The following RAP1B variants were observed in gnomAD, a reference collection of about 807,000 sequenced individuals.
RAP1B encodes the protein RAP1B, member of RAS oncogene family.
RAP1B carries 1 observed loss-of-function variant against 27.5 expected under a neutral mutation model. The ratio of observed to expected loss-of-function variants is 0.04; its 90% CI spans 0.01 to 0.17. The LOEUF (loss-of-function observed/expected upper bound fraction) is 0.17. Ranked by LOEUF, RAP1B falls within the 10% of genes least tolerant of loss-of-function variation. The probability of loss-of-function intolerance (pLI) is 1.00; values close to 1 mark genes in which losing one functional copy is unlikely to be tolerated. For missense variants in RAP1B, 84 were observed against 214.8 expected (o/e 0.39, Z 3.81); for synonymous variants, 75 against 73.1 (o/e 1.03, Z -0.13).
intron 1 of RAP1B, chr12:68,642,885 T>A: frequency 1.0e-6 from 1 of 976,210 alleles, no homozygotes; most frequent in Non-Finnish European, 1.7e-6. Context: ...GAGGTGAGGG[T>A]CTCATTCCAG....
At position 68,635,673 on chromosome 12, in the gene RAP1B, T is replaced by C. The variant is rs994389578; in HGVS notation, c.-26-13026T>C. Among the ~76,000 whole-genome samples, 6 of 151,592 alleles carry C rather than the reference T, an allele frequency of 4.0e-5. No homozygotes were observed. In the East Asian group the frequency reaches 1.2e-3, roughly 30 times the overall value. ...TTTCACCATATTGGCCAGGCTGGTC[T>C]CGAACTCCTGACCTCAAGCAATCCA... On this transcript the variant is annotated intron_variant, in intron 1 of 7. Transcript: ENST00000250559.
intron 2 of RAP1B, 143 bp from the exon 3 acceptor site, chr12:68,650,257 T>G (rs1873717413): frequency 1.5e-6 from 1 of 657,874 alleles, no homozygotes; most frequent in South Asian, 3.3e-5. Context: ...TTACCAAATG[T>G]ACACATTCGA....
intron 1 of RAP1B, among the ~76,000 whole-genome samples, chr12:68,641,760 C>T (rs971437994): frequency 5.3e-5 from 8 of 150,840 alleles, no homozygotes; most frequent in Admixed American, 2.6e-4. Context: ...TTGAAAAAAT[C>T]GATGCATTCC....
rs1397047295 is a variant in RAP1B, at chr12:68,610,928, C to G, written c.-142C>G. ...TCGCCAAACCTCGCCCAGATTCAGG[C>G]GTGTAAACCAGCCGGAGCGGCGCGG... On this transcript the variant is annotated 5_prime_UTR_variant, in exon 1 of 8. Coordinates refer to ENST00000250559, the MANE Select transcript of RAP1B (RefSeq NM_001010942.3). 3.2e-6 allele frequency: 1 copy of G among 308,270 alleles called. No homozygotes were observed. Among genetic ancestry groups the G allele is most frequent in the Non-Finnish European group, 6.0e-6 (1 of 167,016 alleles). 19.1% of individuals were successfully genotyped at this position (308,270 alleles called of 1,614,324 possible). A position where few individuals can be genotyped will look rare whatever the true frequency, so the allele number is the denominator to read the frequency against.
Position 68,648,789 on chromosome 12 carries a change from ATTCTT to A in RAP1B, c.57+9_57+13del. 1.9e-6 allele frequency: 3 copies of A among 1,607,684 alleles called. No individual in the cohort carries two copies. Among genetic ancestry groups the A allele is most frequent in the Non-Finnish European group, 2.5e-6 (3 of 1,177,650 alleles). ...GTTGGAAAGTCTGCTTTGGTAAGTC[ATTCTT>A]ACTTTACCTAAGCCTTTCACTCCAA... On this transcript the variant is annotated intron_variant, in intron 2 of 7. Coordinates refer to ENST00000250559, the MANE Select transcript of RAP1B (RefSeq NM_001010942.3).
At chr12:68,612,109 A>G (rs573843103) in intron 1 of RAP1B, among the ~76,000 whole-genome samples, 27 of 152,366 alleles carry the variant, frequency 1.8e-4, no homozygotes, top group Admixed American at 1.6e-3. Context: ...TTTACGGGGT[A>G]GAAAGTTGAC....
chr12:68,632,068 T>C (rs1433873077), intron 1 of RAP1B, among the ~76,000 whole-genome samples: 1 of 151,670 alleles, frequency 6.6e-6, no homozygotes, highest in African/African-American at 2.4e-5. Context: ...TTTCTTTTTC[T>C]TTTTAAAGAA....
At chr12:68,641,533 T>C (rs1873003227) in intron 1 of RAP1B, among the ~76,000 whole-genome samples, 1 of 152,192 alleles carries the variant, frequency 6.6e-6, no homozygotes, top group Non-Finnish European at 1.5e-5. Flanking sequence ...TAAACTACTT[T>C]TAAACAAATG....
At chr12:68,630,644 T>C (rs1251624037) in intron 1 of RAP1B, among the ~76,000 whole-genome samples, 1 of 152,030 alleles carries the variant, frequency 6.6e-6, no homozygotes. Context: ...TTTGGGGCTT[T>C]TTGCTTTTTT....
intron 3 of RAP1B, 112 bp from the exon 4 acceptor site, chr12:68,651,882 TA>T: frequency 1.3e-6 from 1 of 753,988 alleles, no homozygotes; most frequent in Non-Finnish European, 2.2e-6. Context: ...TATTAGTTTG[TA>T]AAGTTGTTAA....
At position 68,661,317 on chromosome 12, in the gene RAP1B, C is replaced by T. The variant is rs1874581794; in HGVS notation, c.*2068C>T. The T allele has an allele frequency of 1.3e-5, 2 of 152,168 alleles. No individual in the cohort carries two copies. Among genetic ancestry groups the T allele is most frequent in the African/African-American group, 4.8e-5 (2 of 41,432 alleles). 9.4% of individuals were successfully genotyped at this position (152,168 alleles called of 1,614,324 possible). A position where few individuals can be genotyped will look rare whatever the true frequency, so the allele number is the denominator to read the frequency against. ...TCAATTTACTATGTCCTGTTACATCCATTGATACCGCCATTATTCAATAAT... is the reference window on the plus strand; with the variant it reads ...TCAATTTACTATGTCCTGTTACATCTATTGATACCGCCATTATTCAATAAT... On this transcript the variant is annotated 3_prime_UTR_variant, in exon 8 of 8. Transcript: ENST00000250559.
At chr12:68,640,310 T>C (rs1384146253) in intron 1 of RAP1B, among the ~76,000 whole-genome samples, 2 of 151,092 alleles carry the variant, frequency 1.3e-5, no homozygotes, top group East Asian at 1.9e-4. Flanking sequence ...TCCATTCTTA[T>C]CTCTTTTTTT....
intron 5 of RAP1B, among the ~76,000 whole-genome samples, chr12:68,655,763 T>A (rs1874160993): frequency 6.6e-6 from 1 of 152,194 alleles, no homozygotes; most frequent in South Asian, 2.1e-4. Context: ...CTCCAACTCC[T>A]GACCTCAGGT....
chr12:68,646,981 T>C (rs1384720508), intron 1 of RAP1B, among the ~76,000 whole-genome samples: 2 of 152,220 alleles, frequency 1.3e-5, no homozygotes, highest in African/African-American at 4.8e-5. Flanking sequence ...AGAAAGGCCA[T>C]CTCTTTACTT....
rs1875095818 is a variant in RAP1B, at chr12:68,671,587, G to C, written c.*12338G>C. On this transcript the variant is annotated 3_prime_UTR_variant, in exon 8 of 8. Coordinates refer to ENST00000250559, the MANE Select transcript of RAP1B (RefSeq NM_001010942.3). ...ATGTGAGGGATGCATGTGGGCACCT[G>C]GGAAAGGAGATGAAGAAAGCAACTG... 6.6e-6 allele frequency: 1 copy of C among 152,144 alleles called. No individual in the cohort carries two copies. 9.4% of individuals were successfully genotyped at this position (152,144 alleles called of 1,614,324 possible).
chr12:68,647,423 G>A (rs964590436), intron 1 of RAP1B, among the ~76,000 whole-genome samples: 1 of 118,784 alleles, frequency 8.4e-6, no homozygotes. Context: ...GTTTTGCCAT[G>A]TTGGCCAGGC....
chr12:68,634,193 G>T (rs956930987), intron 1 of RAP1B, among the ~76,000 whole-genome samples: 2 of 152,172 alleles, frequency 1.3e-5, no homozygotes, highest in African/African-American at 4.8e-5. Flanking sequence ...TTAAAAAATA[G>T]CAAATTAACA....
At position 68,662,035 on chromosome 12, in the gene RAP1B, A is replaced by ATATAT. The variant is rs1565677510; in HGVS notation, c.*2787_*2791dup. ...ATATATATATATATATATATATATT[A>ATATAT]TATATAGTACATATATAGAGAGAGT... is the stretch of plus-strand genomic sequence containing the variant. On this transcript the variant is annotated 3_prime_UTR_variant, in exon 8 of 8. Transcript: ENST00000250559. 118 of 132,834 alleles carry ATATAT rather than the reference A, an allele frequency of 8.9e-4. 1 individual carries two copies. The East Asian group carries it at 0.017, about 19-fold the overall frequency. The allele number at this position is 132,834 out of a possible 1,614,324, so 8.2% of individuals were successfully genotyped here. A position where few individuals can be genotyped will look rare whatever the true frequency, so the allele number is the denominator to read the frequency against.
chr12:68,623,807 G>A (rs969892214), intron 1 of RAP1B, among the ~76,000 whole-genome samples: 6 of 152,182 alleles, frequency 3.9e-5, no homozygotes, highest in African/African-American at 1.4e-4. Flanking sequence ...TGGATCACGA[G>A]GTCAGGAGAT....
Sources: allele counts gnomAD v4.1 joint callset (sites outside exome capture counted in the v4.1 genomes callset), GRCh38; gene constraint gnomAD v4.1.1; transcripts MANE v1.5; gene names NCBI Gene and HGNC (gene_info 2026-07-23, HGNC 2026-07-21).